ZC3H12B: variants seen among roughly 807,000 people sequenced by gnomAD.
ZC3H12B encodes the protein probable ribonuclease ZC3H12B.
In ZC3H12B, 7 loss-of-function variants were observed where a neutral mutation model predicts 43.9. That is an observed-to-expected ratio of 0.16 (90% confidence interval 0.09 to 0.30). ZC3H12B has a LOEUF of 0.30. Ranked by LOEUF, ZC3H12B falls within the 10% of genes least tolerant of loss-of-function variation. The pLI, the probability that ZC3H12B is intolerant of heterozygous loss-of-function variation, is 1.00. For synonymous variants in ZC3H12B, 222 were observed against 241.7 expected, an observed-to-expected ratio of 0.92 and a Z score of 0.76; for missense variants, 475 against 670.2, an observed-to-expected ratio of 0.71 and a Z score of 3.22.
At chrX:65,151,467 C>T in the ZC3H12B span, among the ~76,000 whole-genome samples, 1 of 111,492 alleles carries the variant, frequency 9.0e-6, no homozygotes, top group East Asian at 2.8e-4. Context: ...TGTGTTGTAC[C>T]CACTAATAGC....
chrX:65,392,588 G>A (rs2066638201), intron 2 of ZC3H12B, among the ~76,000 whole-genome samples: 1 of 110,807 alleles, frequency 9.0e-6, no homozygotes, highest in Non-Finnish European at 1.9e-5. Flanking sequence ...CCATCTGGGA[G>A]GTGGGTGGTG....
At chrX:65,155,042 G>C in the ZC3H12B span, among the ~76,000 whole-genome samples, 11 of 107,088 alleles carry the variant, frequency 1.0e-4, no homozygotes, top group Admixed American at 1.1e-3. Context: ...TGAAACATCT[G>C]CCTCCTAAGC....
chrX:65,380,218 T>A (rs1281536887), intron 2 of ZC3H12B, among the ~76,000 whole-genome samples: 1 of 111,364 alleles, frequency 9.0e-6, no homozygotes, highest in Non-Finnish European at 1.9e-5. Flanking sequence ...AAAGGTAGGG[T>A]TATCCTCAAA....
the ZC3H12B span, among the ~76,000 whole-genome samples, chrX:65,178,363 C>T: frequency 9.8e-5 from 11 of 111,919 alleles, no homozygotes; most frequent in African/African-American, 3.3e-4. Flanking sequence ...GCAAAGACTT[C>T]ATGACGAAAA....
At chrX:65,250,031 G>A in the ZC3H12B span, among the ~76,000 whole-genome samples, 2 of 110,087 alleles carry the variant, frequency 1.8e-5, no homozygotes, top group African/African-American at 3.3e-5. Flanking sequence ...CTGGTGTGCT[G>A]CATTCATTAT....
At chrX:65,151,141 C>G in the ZC3H12B span, among the ~76,000 whole-genome samples, 1 of 111,485 alleles carries the variant, frequency 9.0e-6, no homozygotes, top group Non-Finnish European at 1.9e-5. Context: ...TCTATGTCTT[C>G]TAAAAACAAC....
intron 3 of ZC3H12B, among the ~76,000 whole-genome samples, chrX:65,406,611 G>GCTGGGCGGGGCTGGGCGGGA (rs2066828292): frequency 1.1e-5 from 1 of 92,874 alleles, no homozygotes; most frequent in Non-Finnish European, 2.2e-5. Flanking sequence ...GCTGGGCGGG[G>GCTGGGCGGGGCTGGGCGGGA]CTGGGCGGGA....
the ZC3H12B span, among the ~76,000 whole-genome samples, chrX:65,276,678 G>A: frequency 8.9e-6 from 1 of 111,940 alleles, no homozygotes; most frequent in Admixed American, 9.5e-5. Flanking sequence ...TACTAGACTA[G>A]TTTTAAAAGA....
chrX:65,499,355 G>A (rs2068334399), intron 3 of ZC3H12B, 122 bp downstream of exon 8: 1 of 531,531 alleles, frequency 1.9e-6, no homozygotes, highest in African/African-American at 2.3e-5. Context: ...ACAGATAAAA[G>A]GATGAATAAG....
At chrX:65,159,213 T>A in the ZC3H12B span, among the ~76,000 whole-genome samples, 2 of 112,050 alleles carry the variant, frequency 1.8e-5, no homozygotes, top group Non-Finnish European at 3.8e-5. Context: ...GCATGATGCC[T>A]CCAGCTTTGT....
intron 2 of ZC3H12B, among the ~76,000 whole-genome samples, chrX:65,373,313 CA>C (rs1411743362): frequency 8.9e-6 from 1 of 111,825 alleles, no homozygotes; most frequent in Non-Finnish European, 1.9e-5. Context: ...CTAGTTCAAC[CA>C]TTGTGGAAGA....
the ZC3H12B span, among the ~76,000 whole-genome samples, chrX:65,308,353 T>C: frequency 9.0e-6 from 1 of 110,557 alleles, no homozygotes; most frequent in South Asian, 3.8e-4. Context: ...TGGGCTCTGA[T>C]AAAACAGACT....
the ZC3H12B span, among the ~76,000 whole-genome samples, chrX:65,107,707 A>G: frequency 9.0e-6 from 1 of 110,793 alleles, no homozygotes; most frequent in Admixed American, 9.6e-5. Context: ...ATGGTTTTAT[A>G]AGGGGCTTTC....
the ZC3H12B span, among the ~76,000 whole-genome samples, chrX:65,151,925 A>C: frequency 8.9e-6 from 1 of 112,057 alleles, no homozygotes; most frequent in African/African-American, 3.2e-5. Flanking sequence ...GGCTGGTTCA[A>C]TATACGCAAA....
At chrX:65,271,884 G>C in the ZC3H12B span, 1 of 153,554 alleles carries the variant, frequency 6.5e-6, no homozygotes, top group East Asian at 1.5e-4. Context: ...TAATCAAATA[G>C]TTTCAGACTT....
intron 2 of ZC3H12B, among the ~76,000 whole-genome samples, chrX:65,393,209 TC>T (rs1467676194): frequency 9.1e-6 from 1 of 109,406 alleles, no homozygotes; most frequent in African/African-American, 3.3e-5. Flanking sequence ...CCCTGCCAAA[TC>T]CCCCTCTCTG....
the ZC3H12B span, among the ~76,000 whole-genome samples, chrX:65,258,004 TGAG>T: frequency 9.0e-6 from 1 of 111,305 alleles, no homozygotes; most frequent in Non-Finnish European, 1.9e-5. Context: ...TCCAAAAACT[TGAG>T]GAGGAGAAAC....
chrX:65,438,467 C>A, intron 3 of ZC3H12B, among the ~76,000 whole-genome samples: 1 of 111,843 alleles, frequency 8.9e-6, no homozygotes, highest in Non-Finnish European at 1.9e-5. Flanking sequence ...AAGACCAGCT[C>A]AGTCGGGGAG....
chrX:65,418,620 A>G (rs759381596), intron 3 of ZC3H12B, among the ~76,000 whole-genome samples: 1 of 111,993 alleles, frequency 8.9e-6, no homozygotes, highest in Non-Finnish European at 1.9e-5. Flanking sequence ...ATACAGACCT[A>G]TGGCATTGAT....
Sources: allele counts gnomAD v4.1 joint callset (sites outside exome capture counted in the v4.1 genomes callset), GRCh38; gene constraint gnomAD v4.1.1; transcripts MANE v1.5; gene names NCBI Gene and HGNC (gene_info 2026-07-23, HGNC 2026-07-21).